The following MGMT variants were observed in gnomAD, a reference collection of about 807,000 sequenced individuals.
MGMT encodes O-6-methylguanine-DNA methyltransferase.
MGMT carries 14 observed loss-of-function variants against 15.9 expected under a neutral mutation model. The observed-to-expected ratio is 0.88, with a 90% CI of 0.58 to 1.37. MGMT has a LOEUF of 1.37. Among genes scored for constraint, MGMT ranks in the 40% most tolerant of loss-of-function variants. The pLI is 0.00. For missense variants in MGMT, 282 were observed against 268.1 expected (o/e 1.05, Z -0.36); for synonymous variants, 130 against 118.2 (o/e 1.10, Z -0.65).
rs1185311420 is a variant in MGMT, at chr10:129,535,748, A to G, written c.-12-493A>G. 2.0e-5 allele frequency among the ~76,000 whole-genome samples: 3 copies of G among 152,360 alleles called. 1 individual carries two copies. The highest frequency in any genetic ancestry group is 4.1e-4 in the South Asian group (2 of 4,828). ...TCCTCTCCGGGCTGGCTCCTAACAC[A>G]GGTGCCGTGGCATAGGTGCTGAGTT... is the stretch of plus-strand genomic sequence containing the variant. On this transcript the variant is annotated intron_variant, in intron 1 of 4. Coordinates refer to ENST00000651593, the MANE Select transcript of MGMT (RefSeq NM_002412.5).
At chr10:129,704,231 C>T (rs895102449) in intron 2 of MGMT, among the ~76,000 whole-genome samples, 3 of 152,008 alleles carry the variant, frequency 2.0e-5, no homozygotes, top group East Asian at 1.9e-4. Context: ...ACCTCACTAA[C>T]GGGGAAGGAA....
chr10:129,766,438 C>T (rs1211130119), intron 4 of MGMT, among the ~76,000 whole-genome samples: 2 of 152,210 alleles, frequency 1.3e-5, no homozygotes, highest in East Asian at 1.9e-4. Context: ...AACTCGGAAA[C>T]GTAGTTTTCA....
intron 3 of MGMT, among the ~76,000 whole-genome samples, chr10:129,734,453 A>G (rs1848537369): frequency 6.6e-6 from 1 of 150,618 alleles, no homozygotes; most frequent in African/African-American, 2.4e-5. Context: ...GCTTAAGGAG[A>G]TTTTGGGCTG....
rs894293803 is a variant in MGMT at position 129,532,143 on chromosome 10, T to A, written c.-12-4098T>A. On this transcript the variant is annotated intron_variant, in intron 1 of 4. Coordinates refer to ENST00000651593, the MANE Select transcript of MGMT (RefSeq NM_002412.5). This position sits in a 1 kb window ranked among gnomAD's most constrained non-coding sequence, Gnocchi z 5.3. Reference sequence around the variant, plus strand: ...CACCTTTGCTGGTCAGGGGAGCTGGTTCAGAGGGCTTGAGGCCAGCCTGCC... The same window carrying A: ...CACCTTTGCTGGTCAGGGGAGCTGGATCAGAGGGCTTGAGGCCAGCCTGCC... Among the ~76,000 whole-genome samples, 1 of 152,198 alleles carries A rather than the reference T, an allele frequency of 6.6e-6. No homozygotes were observed. Among genetic ancestry groups the A allele is most frequent in the Non-Finnish European group, 1.5e-5 (1 of 68,020 alleles).
At chr10:129,718,163 A>G (rs1848321484) in intron 3 of MGMT, among the ~76,000 whole-genome samples, 1 of 152,232 alleles carries the variant, frequency 6.6e-6, no homozygotes, top group South Asian at 2.1e-4. Flanking sequence ...GCCCTAGAAG[A>G]TGAATATGAT....
In MGMT at chr10:129,491,408, A is replaced by G. The variant is rs568193781; in HGVS notation, c.-13+24112A>G. Among the ~76,000 whole-genome samples the G allele has an allele frequency of 2.6e-5, 4 of 152,056 alleles. No individual in the cohort carries two copies. The South Asian group carries it at 8.3e-4, about 32-fold the overall frequency. On this transcript the variant is annotated intron_variant, in intron 1 of 4. Coordinates refer to ENST00000651593, the MANE Select transcript of MGMT (RefSeq NM_002412.5). ...TCTTTGGTTTGAAGCTAATTGTGTT[A>G]TGGTTCTTTGAGGTTTTCTTCATAT...
intron 1 of MGMT, among the ~76,000 whole-genome samples, chr10:129,498,889 C>T (rs1164658026): frequency 6.6e-6 from 1 of 152,130 alleles, no homozygotes; most frequent in Non-Finnish European, 1.5e-5. Context: ...GAGCTAGGGG[C>T]TGTATGTGTG....
intron 3 of MGMT, among the ~76,000 whole-genome samples, chr10:129,720,662 T>A (rs928220076): frequency 6.6e-6 from 1 of 152,254 alleles, no homozygotes; most frequent in Non-Finnish European, 1.5e-5. Context: ...GGTTGGCATT[T>A]GCACCCTGCT....
intron 2 of MGMT, among the ~76,000 whole-genome samples, chr10:129,550,863 A>G (rs901677610): frequency 6.6e-6 from 1 of 152,166 alleles, no homozygotes; most frequent in East Asian, 1.9e-4. Context: ...TCTTGATGCT[A>G]ACACACCTTG....
intron 2 of MGMT, among the ~76,000 whole-genome samples, chr10:129,699,393 A>G (rs1449834703): frequency 6.6e-6 from 1 of 151,950 alleles, no homozygotes; most frequent in African/African-American, 2.4e-5. Flanking sequence ...ATACCTTTGC[A>G]GTTTTGTTTA....
At chr10:129,687,825 C>G (rs976538643) in intron 2 of MGMT, among the ~76,000 whole-genome samples, 3 of 151,714 alleles carry the variant, frequency 2.0e-5, no homozygotes, top group Admixed American at 6.6e-5. Flanking sequence ...TTAGGTATAT[C>G]TCCTAATGCT....
intron 3 of MGMT, among the ~76,000 whole-genome samples, chr10:129,754,512 G>A (rs1188410376): frequency 1.3e-5 from 2 of 152,134 alleles, no homozygotes; most frequent in Non-Finnish European, 2.9e-5. Flanking sequence ...GACGTTCAAG[G>A]GCTCAGAGAT....
chr10:129,737,627 G>A (rs1428336171), intron 3 of MGMT, among the ~76,000 whole-genome samples: 16 of 151,930 alleles, frequency 1.1e-4, no homozygotes, highest in African/African-American at 1.9e-4. Context: ...GAGGAGAGGC[G>A]CTCTGCTTTT....
At chr10:129,679,607 G>A (rs898912005) in intron 2 of MGMT, among the ~76,000 whole-genome samples, 1 of 152,114 alleles carries the variant, frequency 6.6e-6, no homozygotes, top group African/African-American at 2.4e-5. Flanking sequence ...GCCTGATGTC[G>A]GGACGTGCTG....
chr10:129,546,859 T>C (rs949841023), intron 2 of MGMT, among the ~76,000 whole-genome samples: 1 of 152,238 alleles, frequency 6.6e-6, no homozygotes, highest in African/African-American at 2.4e-5. Context: ...AAATGCTGTT[T>C]GCTCAGCATA....
intron 3 of MGMT, among the ~76,000 whole-genome samples, chr10:129,752,259 A>G (rs1031673149): frequency 2.0e-5 from 3 of 151,842 alleles, no homozygotes; most frequent in African/African-American, 7.2e-5. Flanking sequence ...CCCTCTGGGA[A>G]TTTTATTTGT....
chr10:129,657,729 C>CACACACACACACCCA (rs1564750921), intron 2 of MGMT, among the ~76,000 whole-genome samples: 5 of 122,292 alleles, frequency 4.1e-5, no homozygotes, highest in African/African-American at 1.6e-4. Context: ...ACACACACAC[C>CACACACACACACCCA]CCCTCTCCCC....
intron 2 of MGMT, among the ~76,000 whole-genome samples, chr10:129,677,835 G>C (rs1847802989): frequency 6.6e-6 from 1 of 152,192 alleles, no homozygotes; most frequent in African/African-American, 2.4e-5. Flanking sequence ...AATCAGGCCA[G>C]GTTCCGGGGG....
chr10:129,758,177 T>C (rs1848828519), intron 3 of MGMT, among the ~76,000 whole-genome samples: 1 of 152,210 alleles, frequency 6.6e-6, no homozygotes, highest in Admixed American at 6.5e-5. Context: ...TGATTTTTAT[T>C]ATTTAACACA....
Sources: allele counts gnomAD v4.1 joint callset (sites outside exome capture counted in the v4.1 genomes callset), GRCh38; gene constraint gnomAD v4.1.1; non-coding constraint Gnocchi (gnomAD v3.1); transcripts MANE v1.5; gene names NCBI Gene and HGNC (gene_info 2026-07-23, HGNC 2026-07-21).